OGFRL1: variants seen among roughly 807,000 people sequenced by gnomAD.
OGFRL1 encodes opioid growth factor receptor like 1, also known as opioid growth factor receptor-like protein 1.
OGFRL1 carries 26 observed loss-of-function variants against 32.4 expected under a neutral mutation model. That is an observed-to-expected ratio of 0.80 (90% CI 0.59 to 1.11). OGFRL1 has a LOEUF of 1.11. Among genes scored for constraint, OGFRL1 ranks in the 50% most tolerant of loss-of-function variants. OGFRL1 has a pLI of 0.00. For missense variants in OGFRL1, 521 were observed against 546.4 expected, an observed-to-expected ratio of 0.95 and a Z score of 0.46; for synonymous variants, 211 against 201.2, an observed-to-expected ratio of 1.05 and a Z score of -0.41.
rs1296124274 is a variant in OGFRL1, at chr6:71,306,097, C to A, written c.*4048C>A. The A allele has an allele frequency of 6.6e-6, 1 of 152,156 alleles. No homozygotes were observed. Among genetic ancestry groups the A allele is most frequent in the African/African-American group, 2.4e-5 (1 of 41,406 alleles). 9.4% of individuals were successfully genotyped at this position (152,156 alleles called of 1,614,324 possible). A position where few individuals can be genotyped will look rare whatever the true frequency, so the allele number is the denominator to read the frequency against. ...GTTGTAGGAATGTTTTTGAAGATTT[C>A]TATTTTGTTTTCCACTTAGGAAATT... On this transcript the variant is annotated 3_prime_UTR_variant, in exon 7 of 7. Transcript: ENST00000370435.
chr6:71,296,877 T>C, intron 6 of OGFRL1, 60 bp downstream of exon 6: 3 of 1,552,250 alleles, frequency 1.9e-6, no homozygotes, highest in Non-Finnish European at 2.6e-6. Flanking sequence ...TTGGTCAGAG[T>C]TCTCTATGAA....
intron 1 of OGFRL1, chr6:71,289,939 C>T (rs1765996106): frequency 2.6e-6 from 1 of 389,054 alleles, no homozygotes; most frequent in East Asian, 1.6e-4. Context: ...GTTTGCCGCT[C>T]CACATTAGGC....
Position 71,308,091 on chromosome 6 carries a change from G to A in OGFRL1, c.*6042G>A, listed in dbSNP as rs1052022174. 2 of 152,204 alleles carry A rather than the reference G, an allele frequency of 1.3e-5. No individual in the cohort carries two copies. The highest frequency in any genetic ancestry group is 2.9e-5 in the Non-Finnish European group (2 of 68,038). 9.4% of individuals were successfully genotyped at this position (152,204 alleles called of 1,614,324 possible). Reference sequence around the variant, plus strand: ...ACCTACTCTGCGTTGAAGCCCTCCAGTAGACTGATAGATGTAATCAAATGA... The same window carrying A: ...ACCTACTCTGCGTTGAAGCCCTCCAATAGACTGATAGATGTAATCAAATGA... On this transcript the variant is annotated 3_prime_UTR_variant, in exon 7 of 7. Coordinates refer to ENST00000370435, the MANE Select transcript of OGFRL1 (RefSeq NM_024576.5).
Position 71,288,834 on chromosome 6 carries a change from C to A in OGFRL1, c.-103C>A. On this transcript the variant is annotated 5_prime_UTR_variant, in exon 1 of 7. It adds an upstream start codon to the 5' untranslated region. Coordinates refer to ENST00000370435, the MANE Select transcript of OGFRL1 (RefSeq NM_024576.5). ...GCAGTGCGGGGCGGGCGCGCCTAGGCTGCCGCCCAGCGCCCTCGCCGCGGC... is the reference window on the plus strand; with the variant it reads ...GCAGTGCGGGGCGGGCGCGCCTAGGATGCCGCCCAGCGCCCTCGCCGCGGC... 2 of 868,234 alleles carry A rather than the reference C, an allele frequency of 2.3e-6. No individual in the cohort carries two copies. Among genetic ancestry groups the A allele is most frequent in the Non-Finnish European group, 2.8e-6 (2 of 715,042 alleles). The allele number at this position is 868,234 out of a possible 1,614,324, so 53.8% of individuals were successfully genotyped here.
intron 6 of OGFRL1, 50 bp downstream of exon 6, chr6:71,296,867 T>C: frequency 6.4e-7 from 1 of 1,564,456 alleles, no homozygotes; most frequent in Non-Finnish European, 8.6e-7. Context: ...TTATTTTCCC[T>C]TGGTCAGAGT....
At position 71,304,772 on chromosome 6, in the gene OGFRL1, C is replaced by G. The variant is rs766627361; in HGVS notation, c.*2723C>G. The G allele has an allele frequency of 1.4e-4, 21 of 151,944 alleles. No individual in the cohort carries two copies. The highest frequency in any genetic ancestry group is 2.5e-4 in the Non-Finnish European group (17 of 67,900). 9.4% of individuals were successfully genotyped at this position (151,944 alleles called of 1,614,324 possible). A position where few individuals can be genotyped will look rare whatever the true frequency, so the allele number is the denominator to read the frequency against. ...ATCCATCTTAAATAGTGGCCTTTTC[C>G]CACTATGGTGTTTTTAAATGCATAT... On this transcript the variant is annotated 3_prime_UTR_variant, in exon 7 of 7. Coordinates refer to ENST00000370435, the MANE Select transcript of OGFRL1 (RefSeq NM_024576.5).
intron 3 of OGFRL1, 116 bp from the exon 4 acceptor site, chr6:71,296,201 T>C: frequency 1.5e-6 from 1 of 670,478 alleles, no homozygotes. Context: ...GCACTATTCT[T>C]GTGTGCTATT....
rs1765988161 is a variant in OGFRL1 at position 71,289,723 on chromosome 6, C to A, written c.234+553C>A. On this transcript the variant is annotated intron_variant, in intron 1 of 6. Transcript: ENST00000370435. ...AACTCAGGCCTTTCAACCTAGGATT[C>A]AGGGCATTCTTCACGAATCTTATTT... is the stretch of plus-strand genomic sequence containing the variant. The A allele has an allele frequency of 1.5e-5, 15 of 985,226 alleles. No homozygotes were observed. The South Asian group carries it at 5.6e-4, about 37-fold the overall frequency. The allele number at this position is 985,226 out of a possible 1,614,324, so 61.0% of individuals were successfully genotyped here.
At chr6:71,289,668 A>C in intron 1 of OGFRL1, 1 of 983,976 alleles carries the variant, frequency 1.0e-6, no homozygotes, top group Non-Finnish European at 1.2e-6. Context: ...GTAGGCCCTC[A>C]TCTGAAGTTC....
Position 71,288,912 on chromosome 6 carries a change from C to T in OGFRL1, c.-25C>T. 5 of 1,305,634 alleles carry T rather than the reference C, an allele frequency of 3.8e-6. No homozygotes were observed. Among genetic ancestry groups the T allele is most frequent in the South Asian group, 1.4e-5 (1 of 70,356 alleles). 80.9% of individuals were successfully genotyped at this position (1,305,634 alleles called of 1,614,324 possible). The stretch of plus-strand genomic sequence containing the variant: ...CAGCTTGCGCCCCGCAGCCCCGCAG[C>T]CCCGCGCCCGCCGCCGCCTCTTCAA... On this transcript the variant is annotated 5_prime_UTR_variant, in exon 1 of 7. Transcript: ENST00000370435.
intron 1 of OGFRL1, chr6:71,289,737 C>G: frequency 1.0e-6 from 1 of 985,230 alleles, no homozygotes; most frequent in Non-Finnish European, 1.2e-6. Flanking sequence ...GCATTCTTCA[C>G]GAATCTTATT....
chr6:71,296,994 A>C (rs1324756745), intron 6 of OGFRL1, among the ~76,000 whole-genome samples, 177 bp downstream of exon 6: 1 of 152,108 alleles, frequency 6.6e-6, no homozygotes, highest in African/African-American at 2.4e-5. Context: ...ACAAAACAAC[A>C]ACAAAAAGGA....
intron 1 of OGFRL1, 139 bp downstream of exon 1, chr6:71,289,309 G>T (rs1765964563): frequency 9.9e-7 from 1 of 1,010,594 alleles, no homozygotes; most frequent in Middle Eastern, 4.9e-4. Context: ...CCTCCGCGCC[G>T]CGGCTGACCT....
chr6:71,303,689 GTA>G lies in OGFRL1; in HGVS notation c.*1641_*1642del, dbSNP rs1232076371. 1.3e-5 allele frequency: 2 copies of G among 152,038 alleles called. No homozygotes were observed. Among genetic ancestry groups the G allele is most frequent in the African/African-American group, 4.8e-5 (2 of 41,408 alleles). The allele number at this position is 152,038 out of a possible 1,614,324, so 9.4% of individuals were successfully genotyped here. ...CGTGTTTTTTAAAAAGTATAGTTTT[GTA>G]CATCTCTAAGTTATCAAACTTCAAA... On this transcript the variant is annotated 3_prime_UTR_variant, in exon 7 of 7. Transcript: ENST00000370435.
chr6:71,299,275 C>T (rs576306002), intron 6 of OGFRL1, among the ~76,000 whole-genome samples: 1 of 152,222 alleles, frequency 6.6e-6, no homozygotes, highest in East Asian at 1.9e-4. Flanking sequence ...TATAGTGTAA[C>T]CCTAAGATGG....
At chr6:71,300,126 A>G (rs1005179729) in intron 6 of OGFRL1, among the ~76,000 whole-genome samples, 1 of 152,240 alleles carries the variant, frequency 6.6e-6, no homozygotes, top group Non-Finnish European at 1.5e-5. Context: ...GGACAGGTAT[A>G]TATAATGTTT....
intron 6 of OGFRL1, among the ~76,000 whole-genome samples, chr6:71,299,373 C>T (rs1766314339): frequency 6.6e-6 from 1 of 152,128 alleles, no homozygotes; most frequent in South Asian, 2.1e-4. Flanking sequence ...CTGAAACACC[C>T]AATTGCTTTA....
chr6:71,301,617 G>T lies in OGFRL1; in HGVS notation c.924G>T (p.Glu308Asp). Residue 308 changes from glutamate to aspartate, a missense_variant, in exon 7 of 7, where the codon GAG (glutamate) becomes GAT (aspartate). By Grantham distance (45) the Glu-to-Asp change is conservative. Transcript: ENST00000370435. Reference sequence around the variant, plus strand: ...CCCAGAAACACTACACGCCTTCAGAGAACTTTATCTGGGGACCGCCTCGAA... The same window carrying T: ...CCCAGAAACACTACACGCCTTCAGATAACTTTATCTGGGGACCGCCTCGAA... ...RFAQKHYTPSENFIWGPPRKE... is the reference protein window; with the variant it reads ...RFAQKHYTPSDNFIWGPPRKE... 1 of 1,614,168 alleles carries T rather than the reference G, an allele frequency of 6.2e-7. No individual in the cohort carries two copies.
In OGFRL1 at chr6:71,296,356, A is replaced by C. The variant is rs1335091387; in HGVS notation, c.440A>C (p.Asp147Ala). 6.2e-7 allele frequency: 1 copy of C among 1,611,330 alleles called. No homozygotes were observed. The highest frequency in any genetic ancestry group is 8.5e-7 in the Non-Finnish European group (1 of 1,177,854). The stretch of plus-strand genomic sequence containing the variant: ...GAAGTTCTAAGTAAATGGAAAGGAG[A>C]TTATGAAAAACTGGAGCACAACCAC... ...IEEVLSKWKG[D>A]YEKLEHNHTY... is the part of the protein sequence containing the mutation. The change falls in exon 4 of 7, where the codon GAT becomes GCT. Residue 147 changes from aspartate to alanine, a missense_variant. Coordinates refer to ENST00000370435, the MANE Select transcript of OGFRL1 (RefSeq NM_024576.5).
Sources: allele counts gnomAD v4.1 joint callset (sites outside exome capture counted in the v4.1 genomes callset), GRCh38; gene constraint gnomAD v4.1.1; transcripts MANE v1.5; gene names NCBI Gene and HGNC (gene_info 2026-07-23, HGNC 2026-07-21).